The following PPIL1 variants were observed in gnomAD, a reference collection of about 807,000 sequenced individuals.
PPIL1 encodes the protein peptidyl-prolyl cis-trans isomerase-like 1.
In PPIL1, 14 loss-of-function variants were observed where a neutral mutation model predicts 19.4. The observed-to-expected ratio is 0.72, with a 90% CI of 0.48 to 1.13. The LOEUF (loss-of-function observed/expected upper bound fraction) is 1.13. Ranked by LOEUF, PPIL1 falls within the 50% of genes most tolerant of loss-of-function variation. The probability of loss-of-function intolerance (pLI) is 0.00; values close to 1 mark genes in which losing one functional copy is unlikely to be tolerated. For synonymous variants in PPIL1, 72 were observed against 73.6 expected (o/e 0.98, Z 0.11); for missense variants, 192 against 218.0 (o/e 0.88, Z 0.75).
intron 2 of PPIL1, among the ~76,000 whole-genome samples, chr6:36,857,285 T>C (rs1227306955): frequency 6.6e-6 from 1 of 152,156 alleles, no homozygotes; most frequent in African/African-American, 2.4e-5. Context: ...GAGAAATAGC[T>C]GGTAAGTGGC....
intron 2 of PPIL1, among the ~76,000 whole-genome samples, chr6:36,859,164 C>T (rs34433592): frequency 0.091 from 13,856 of 152,184 alleles, 670 homozygotes; most frequent in African/African-American, 0.12. Context: ...TGGTGGCTCA[C>T]ACCTGTAATT....
At chr6:36,860,963 C>G (rs1269656760) in intron 2 of PPIL1, among the ~76,000 whole-genome samples, 1 of 152,128 alleles carries the variant, frequency 6.6e-6, no homozygotes, top group East Asian at 1.9e-4. Context: ...TAGTGTTCAC[C>G]TCACTGTATG....
At chr6:36,859,196 G>A (rs188872122) in intron 2 of PPIL1, among the ~76,000 whole-genome samples, 1 of 152,272 alleles carries the variant, frequency 6.6e-6, no homozygotes, top group East Asian at 1.9e-4. Flanking sequence ...GGAGGCCGAG[G>A]CAGGCAGATC....
intron 2 of PPIL1, among the ~76,000 whole-genome samples, chr6:36,861,142 G>A (rs899644423): frequency 6.6e-6 from 1 of 152,094 alleles, no homozygotes; most frequent in Non-Finnish European, 1.5e-5. Flanking sequence ...GTCATAGTTT[G>A]AGTATTTCAT....
At chr6:36,864,492 T>G (rs1774356464) in intron 2 of PPIL1, among the ~76,000 whole-genome samples, 1 of 152,124 alleles carries the variant, frequency 6.6e-6, no homozygotes, top group Non-Finnish European at 1.5e-5. Flanking sequence ...TTCATTTCAT[T>G]CAGAACTATG....
chr6:36,864,870 A>G (rs1774364047), intron 2 of PPIL1, among the ~76,000 whole-genome samples: 1 of 152,210 alleles, frequency 6.6e-6, no homozygotes, highest in African/African-American at 2.4e-5. Flanking sequence ...GTCTCTCACC[A>G]GAATGAGAGC....
chr6:36,871,616 C>T, intron 2 of PPIL1, 102 bp downstream of exon 2: 4 of 1,391,522 alleles, frequency 2.9e-6, no homozygotes, highest in Non-Finnish European at 3.9e-6. Context: ...GCCTTATCAC[C>T]TATTTACGAC....
chr6:36,856,699 C>G (rs765237536), intron 2 of PPIL1, 45 bp from the exon 3 acceptor site: 1 of 1,569,032 alleles, frequency 6.4e-7, no homozygotes, highest in Non-Finnish European at 8.8e-7. Context: ...GTCACACATT[C>G]TATCTCACAG....
chr6:36,859,921 CG>C (rs1349936940), intron 2 of PPIL1, among the ~76,000 whole-genome samples: 2 of 151,800 alleles, frequency 1.3e-5, no homozygotes, highest in African/African-American at 4.8e-5. Context: ...TTCTGCCTCC[CG>C]GGTTCAAGTG....
intron 2 of PPIL1, among the ~76,000 whole-genome samples, chr6:36,864,010 G>A (rs1261878463): frequency 1.3e-5 from 2 of 151,712 alleles, no homozygotes; most frequent in African/African-American, 2.4e-5. Flanking sequence ...TCTTTCACAG[G>A]TGTTACCCAA....
At chr6:36,864,209 T>C (rs1343270398) in intron 2 of PPIL1, among the ~76,000 whole-genome samples, 1 of 151,944 alleles carries the variant, frequency 6.6e-6, no homozygotes, top group East Asian at 1.9e-4. Flanking sequence ...GGGATCCTTT[T>C]CAAACAAGCC....
At chr6:36,869,810 G>A (rs962698709) in intron 2 of PPIL1, among the ~76,000 whole-genome samples, 1 of 152,164 alleles carries the variant, frequency 6.6e-6, no homozygotes, top group Non-Finnish European at 1.5e-5. Flanking sequence ...TTCACTGTAG[G>A]AAGTCAAATA....
At chr6:36,874,604 G>GC in intron 1 of PPIL1, 113 bp downstream of exon 1, 1 of 1,388,922 alleles carries the variant, frequency 7.2e-7, no homozygotes, top group Admixed American at 1.8e-5. Flanking sequence ...GCTGCTCCAC[G>GC]CCCCTCCACG....
chr6:36,869,826 T>A (rs976435351), intron 2 of PPIL1, among the ~76,000 whole-genome samples: 1 of 152,196 alleles, frequency 6.6e-6, no homozygotes, highest in African/African-American at 2.4e-5. Context: ...AAATATTCTG[T>A]TCTATATATA....
At chr6:36,861,555 CCT>C (rs1774288372) in intron 2 of PPIL1, among the ~76,000 whole-genome samples, 1 of 152,150 alleles carries the variant, frequency 6.6e-6, no homozygotes, top group African/African-American at 2.4e-5. Context: ...AGATACTAAT[CCT>C]CTGTCAGTGA....
intron 2 of PPIL1, among the ~76,000 whole-genome samples, chr6:36,860,915 T>C (rs1774275514): frequency 2.0e-5 from 3 of 152,170 alleles, no homozygotes; most frequent in African/African-American, 4.8e-5. Context: ...TCAACACTGT[T>C]TGAGAGACTC....
At chr6:36,863,169 C>T (rs1441448615) in intron 2 of PPIL1, among the ~76,000 whole-genome samples, 1 of 152,194 alleles carries the variant, frequency 6.6e-6, no homozygotes, top group African/African-American at 2.4e-5. Flanking sequence ...CGAGCATTTT[C>T]TCTGAGAAGC....
At chr6:36,859,447 A>C (rs1774234588) in intron 2 of PPIL1, among the ~76,000 whole-genome samples, 1 of 147,594 alleles carries the variant, frequency 6.8e-6, no homozygotes, top group Non-Finnish European at 1.5e-5. Context: ...AAAAAAAAAA[A>C]GTCACAGATG....
At position 36,863,490 on chromosome 6, in the gene PPIL1, TCC is replaced by T. The variant is rs1416761363; in HGVS notation, c.212-6838_212-6837del. On this transcript the variant is annotated intron_variant, in intron 2 of 3. Coordinates refer to ENST00000373699, the MANE Select transcript of PPIL1 (RefSeq NM_016059.5). ...TTTAAAGAACTCAGCAACTACAACC[TCC>T]CCCTCTAGTAGACCAATTTTTCTCT... is the stretch of plus-strand genomic sequence containing the variant. 2.0e-5 allele frequency among the ~76,000 whole-genome samples: 3 copies of T among 151,950 alleles called. No individual in the cohort carries two copies. In the East Asian group the frequency reaches 5.8e-4, roughly 29 times the overall value.
Sources: gnomAD v4.1 joint callset for allele counts (sites outside exome capture counted in the v4.1 genomes callset) on GRCh38, gnomAD v4.1.1 for gene constraint, MANE v1.5 for transcripts, NCBI Gene and HGNC (gene_info 2026-07-23, HGNC 2026-07-21) for gene names.